The following CIB1 variants were observed in gnomAD, a reference collection of about 807,000 sequenced individuals.
The protein encoded by CIB1 is calcium and integrin binding 1.
CIB1 carries 19 observed loss-of-function variants against 25.0 expected under a neutral mutation model. That is an observed-to-expected ratio of 0.76 (90% CI 0.53 to 1.12). The LOEUF (loss-of-function observed/expected upper bound fraction) is 1.12. Ranked by LOEUF, CIB1 falls within the 50% of genes most tolerant of loss-of-function variation. The pLI is 0.00. For synonymous variants in CIB1, 104 were observed against 98.5 expected (o/e 1.06, Z -0.33); for missense variants, 236 against 242.6 (o/e 0.97, Z 0.18).
At chr15:90,234,136 C>A, upstream of CIB1, 1 of 365,718 alleles carries the variant, frequency 2.7e-6, no homozygotes, top group East Asian at 3.9e-5. Flanking sequence ...CGGGGCGGAG[C>A]CCGGGACTCA....
At chr15:90,241,322 G>A in the CIB1 span, 30 of 1,614,192 alleles carry the variant, frequency 1.9e-5, no homozygotes, top group East Asian at 5.3e-4. Flanking sequence ...TCTTCCGTTT[G>A]CACCGGGAGC....
chr15:90,255,031 A>G, the CIB1 span, among the ~76,000 whole-genome samples: 64 of 152,336 alleles, frequency 4.2e-4, no homozygotes, highest in African/African-American at 1.4e-3. Context: ...AAGTTCATAC[A>G]GTGAGTGCGG....
intron 3 of CIB1, among the ~76,000 whole-genome samples, chr15:90,231,755 G>A (rs2073704): frequency 0.49 from 74,219 of 152,032 alleles, 18,743 homozygotes; most frequent in East Asian, 0.82. Context: ...CACATACAAC[G>A]TAAGTGTGGG....
chr15:90,243,663 T>C, the CIB1 span: 10 of 136,148 alleles, frequency 7.3e-5, no homozygotes, highest in African/African-American at 2.7e-4. Context: ...TTTTTTTTTT[T>C]TTTTTTTGAC....
chr15:90,249,408 C>A, the CIB1 span: 1 of 152,180 alleles, frequency 6.6e-6, no homozygotes, highest in South Asian at 2.1e-4. Context: ...CCGGCCAGCT[C>A]CAAAGGGCAA....
chr15:90,241,514 T>C, the CIB1 span: 1 of 1,613,708 alleles, frequency 6.2e-7, no homozygotes. Context: ...CGGGCTTCCG[T>C]GTCGGCTTCA....
chr15:90,246,145 C>T, the CIB1 span, among the ~76,000 whole-genome samples: 1 of 152,126 alleles, frequency 6.6e-6, no homozygotes, highest in Admixed American at 6.5e-5. Context: ...TGGTGGCATG[C>T]GCCTGTAATC....
the CIB1 span, among the ~76,000 whole-genome samples, chr15:90,254,205 A>T: frequency 1.2e-3 from 102 of 81,606 alleles, no homozygotes; most frequent in African/African-American, 3.7e-3. Context: ...TTTTTTTTAA[A>T]AAAAAAAGGC....
the CIB1 span, among the ~76,000 whole-genome samples, chr15:90,240,254 T>A: frequency 6.6e-6 from 1 of 151,054 alleles, no homozygotes; most frequent in Non-Finnish European, 1.5e-5. Flanking sequence ...AGGCCTGTAA[T>A]CCCAGCACTT....
chr15:90,230,807 C>T lies in CIB1; in HGVS notation c.554+127G>A, dbSNP rs2073705. 249,265 of 887,354 alleles carry T rather than the reference C, an allele frequency of 0.28. 41,888 individuals are homozygous for T. The highest frequency in any genetic ancestry group is 0.67 in the East Asian group (27,414 of 41,204). 55.0% of individuals were successfully genotyped at this position (887,354 alleles called of 1,614,324 possible). On this transcript the variant is annotated intron_variant, in intron 6 of 6. Transcript: ENST00000328649. ...CCCGGGGCGAGACTGCCAGCTTAGCCGGCCCTGTGTGTGGGGACTGGGGCT... is the reference window on the plus strand; with the variant it reads ...CCCGGGGCGAGACTGCCAGCTTAGCTGGCCCTGTGTGTGGGGACTGGGGCT...
At chr15:90,251,427 C>T in the CIB1 span, 5,903 of 1,003,422 alleles carry the variant, frequency 5.9e-3, 241 homozygotes, top group African/African-American at 0.083. Flanking sequence ...CCCAGCCCAT[C>T]CTGGTCTGTC....
the CIB1 span, chr15:90,263,505 C>G: frequency 6.5e-5 from 34 of 519,270 alleles, no homozygotes; most frequent in Non-Finnish European, 1.2e-4. Context: ...GCCAGTGCCC[C>G]AGCTCTAATG....
the CIB1 span, among the ~76,000 whole-genome samples, chr15:90,250,223 T>TGCTG: frequency 1.3e-5 from 2 of 152,118 alleles, no homozygotes; most frequent in Non-Finnish European, 2.9e-5. Context: ...CCTCCCAACG[T>TGCTG]GCTGGGCCGA....
chr15:90,254,491 T>TAAA, the CIB1 span, among the ~76,000 whole-genome samples: 1 of 84,212 alleles, frequency 1.2e-5, no homozygotes, highest in African/African-American at 4.3e-5. Context: ...AGACTCCATC[T>TAAA]AAAAAAAAAA....
At chr15:90,251,368 C>T in the CIB1 span, among the ~76,000 whole-genome samples, 2 of 147,668 alleles carry the variant, frequency 1.4e-5, no homozygotes, top group East Asian at 4.1e-4. Context: ...TTGTGATCCA[C>T]CCGCCTCGGC....
In CIB1 at chr15:90,233,879, C is replaced by T. The variant is rs776162264; in HGVS notation, c.7G>A (p.Gly3Ser). The change falls in exon 1 of 7, where the codon GGC becomes AGC. Residue 3 changes from glycine to serine, a missense_variant. By Grantham distance (56) the Gly-to-Ser change is moderately conservative. Transcript: ENST00000328649. ...TCCTTGGACAGGCGACTGCCCGAGC[C>T]CCCCATCGCCCCGCCGCGCGCACAG... is the stretch of plus-strand genomic sequence containing the variant. MG[G>S]SGSRLSKELL... 1.9e-5 allele frequency: 28 copies of T among 1,474,152 alleles called. No individual in the cohort carries two copies. In the South Asian group the frequency reaches 3.2e-4, roughly 17 times the overall value. The allele number at this position is 1,474,152 out of a possible 1,614,324, so 91.3% of individuals were successfully genotyped here.
chr15:90,256,077 C>T, the CIB1 span: 1 of 1,586,164 alleles, frequency 6.3e-7, no homozygotes, highest in Non-Finnish European at 8.6e-7. Flanking sequence ...AGGAAGAGCT[C>T]CATGCGGCCC....
At chr15:90,251,889 TTTTGAGACAGAGTCTCGC>T in the CIB1 span, among the ~76,000 whole-genome samples, 1 of 152,050 alleles carries the variant, frequency 6.6e-6, no homozygotes, top group African/African-American at 2.4e-5. Context: ...ATTTATTTAT[TTTTGAGACAGAGTCTCGC>T]TTTGTCATCC....
chr15:90,235,133 A>G (rs1962605152), upstream of CIB1, among the ~76,000 whole-genome samples: 1 of 152,042 alleles, frequency 6.6e-6, no homozygotes, highest in African/African-American at 2.4e-5. Flanking sequence ...TCCCTCTTCC[A>G]TCTCATCCTC....
Sources: gnomAD v4.1 joint callset for allele counts (sites outside exome capture counted in the v4.1 genomes callset) on GRCh38, gnomAD v4.1.1 for gene constraint, MANE v1.5 for transcripts, NCBI Gene and HGNC (gene_info 2026-07-23, HGNC 2026-07-21) for gene names.